Variants in NBPF12 observed in about 807,000 individuals in gnomAD.
NBPF12 encodes NBPF member 12.
Under a neutral mutation model 146.4 loss-of-function variants are expected in NBPF12, and 115 were observed. The observed-to-expected ratio is 0.79, with a 90% confidence interval of 0.68 to 0.92. The LOEUF (loss-of-function observed/expected upper bound fraction) is 0.92, where lower values mean the gene tolerates loss of function less well. Ranked by LOEUF, NBPF12 falls within the 40% of genes least tolerant of loss-of-function variation. NBPF12 has a pLI of 0.00. For synonymous variants in NBPF12, 385 were observed against 508.9 expected, an observed-to-expected ratio of 0.76 and a Z score of 3.28; for missense variants, 1,205 against 1,326.8, an observed-to-expected ratio of 0.91 and a Z score of 1.43.
rs1276091777 is a variant in NBPF12 at position 146,973,748 on chromosome 1, G to A, written c.1801+788G>A. Among the ~76,000 whole-genome samples the A allele has an allele frequency of 5.0e-3, 723 of 144,118 alleles. 25 individuals carry two copies. The highest frequency in any genetic ancestry group is 0.017 in the African/African-American group (636 of 36,794). The allele number at this position is 144,118 out of a possible 152,430, so 94.5% of individuals were successfully genotyped here. A position where few individuals can be genotyped will look rare whatever the true frequency, so the allele number is the denominator to read the frequency against. Reference sequence around the variant, plus strand: ...GGTTGCAGTGAGCCAAGATTTTGCCGTTGCACTCCAGCCTGGGTGACAGGG... The same window carrying A: ...GGTTGCAGTGAGCCAAGATTTTGCCATTGCACTCCAGCCTGGGTGACAGGG... On this transcript the variant is annotated intron_variant, in intron 14 of 33. Transcript: ENST00000617844.
At chr1:146,965,917 G>A (rs1342505865) in intron 8 of NBPF12, among the ~76,000 whole-genome samples, 1 of 148,830 alleles carries the variant, frequency 6.7e-6, no homozygotes, top group South Asian at 2.1e-4. Flanking sequence ...AAACCAGCCT[G>A]TCCAAGATGG....
intron 33 of NBPF12, among the ~76,000 whole-genome samples, chr1:146,994,122 G>T (rs1385779752): frequency 8.4e-6 from 1 of 118,350 alleles, no homozygotes; most frequent in Admixed American, 8.7e-5. Flanking sequence ...CTCTGTCTCT[G>T]TCTCTGTCTC....
At chr1:146,972,648 A>C (rs1231665249) in intron 13 of NBPF12, 103 bp from the exon 17 acceptor site, 89 of 1,029,752 alleles carry the variant, frequency 8.6e-5, no homozygotes, top group Non-Finnish European at 1.3e-4. Context: ...CAACATCTTC[A>C]AATAAGTAGA....
intron 1 of NBPF12, 88 bp downstream of exon 1, chr1:146,939,100 C>A (rs1221069278): frequency 7.2e-5 from 11 of 152,220 alleles, no homozygotes. Flanking sequence ...GGGGCGGTTG[C>A]GCCGGGCACT....
chr1:146,960,990 AC>A (rs1655811744), intron 4 of NBPF12, among the ~76,000 whole-genome samples: 3 of 152,046 alleles, frequency 2.0e-5, no homozygotes. Context: ...CACTAAAAAT[AC>A]AAAAAGTAGA....
At chr1:146,962,091 C>A (rs1655886243) in intron 4 of NBPF12, 70 bp from the exon 8 acceptor site, 2 of 1,460,546 alleles carry the variant, frequency 1.4e-6, no homozygotes, top group African/African-American at 1.4e-5. Context: ...CTGGCTCCTG[C>A]CCTGTAGGCA....
chr1:146,974,836 G>A lies in NBPF12; in HGVS notation c.1899G>A (p.Glu633=). The A allele has an allele frequency of 3.9e-6, 5 of 1,284,184 alleles. 1 individual carries two copies. The highest frequency in any genetic ancestry group is 5.3e-6 in the Non-Finnish European group (5 of 944,338). The allele number at this position is 1,284,184 out of a possible 1,614,324, so 79.5% of individuals were successfully genotyped here. ...CAGAGCAGCTGAAGCAAGCTGAGGAGCTCAGGTGAGGGGACCCCATGGGGG... is the reference window on the plus strand; with the variant it reads ...CAGAGCAGCTGAAGCAAGCTGAGGAACTCAGGTGAGGGGACCCCATGGGGG... The change falls in exon 15 of 34, where the codon GAG becomes GAA. Residue 633 remains glutamate (E), a synonymous_variant. Coordinates refer to ENST00000617844, the Ensembl canonical transcript of NBPF12.
intron 2 of NBPF12, among the ~76,000 whole-genome samples, chr1:146,955,657 A>G (rs1333470024): frequency 1.4e-4 from 20 of 147,932 alleles, no homozygotes; most frequent in Admixed American, 1.3e-3. Flanking sequence ...ACTTCTTTTA[A>G]TCTATAACTA....
At position 146,957,969 on chromosome 1, in the gene NBPF12, A is replaced by G. The variant is rs1655675394; in HGVS notation, c.-183-1890A>G. Among the ~76,000 whole-genome samples, 3 of 108,294 alleles carry G rather than the reference A, an allele frequency of 2.8e-5. 1 individual carries two copies. The South Asian group carries it at 1.4e-3, about 49-fold the overall frequency. 71.0% of individuals were successfully genotyped at this position (108,294 alleles called of 152,430 possible). A position where few individuals can be genotyped will look rare whatever the true frequency, so the allele number is the denominator to read the frequency against. On this transcript the variant is annotated intron_variant, in intron 2 of 33. Coordinates refer to ENST00000617844, the Ensembl canonical transcript of NBPF12. Reference sequence around the variant, plus strand: ...ATATATATTTTATATATACGTGTATACATGTATATATGTGTGTGTATATAT... The same window carrying G: ...ATATATATTTTATATATACGTGTATGCATGTATATATGTGTGTGTATATAT...
upstream of NBPF12, among the ~76,000 whole-genome samples, chr1:146,945,523 C>T (rs1397727161): frequency 6.6e-6 from 1 of 151,916 alleles, no homozygotes; most frequent in East Asian, 1.9e-4. Flanking sequence ...TCTCCAACTG[C>T]TCTGACTCCA....
intron 2 of NBPF12, among the ~76,000 whole-genome samples, chr1:146,956,036 C>T (rs1655571881): frequency 6.6e-6 from 1 of 150,976 alleles, no homozygotes; most frequent in Admixed American, 6.6e-5. Context: ...GCTACTGAAA[C>T]AGTTGTTAGG....
In NBPF12 at chr1:146,961,864, G is replaced by A. The variant is rs1184173599; in HGVS notation, c.176-297G>A. 9.2e-5 allele frequency among the ~76,000 whole-genome samples: 14 copies of A among 152,168 alleles called. No homozygotes were observed. The East Asian group carries it at 1.7e-3, about 19-fold the overall frequency. Reference sequence around the variant, plus strand: ...CTGCAAGGCTTGGGAAAGTGGCCCCGCATTCAGAGTCAGACCTCAGGGGCT... The same window carrying A: ...CTGCAAGGCTTGGGAAAGTGGCCCCACATTCAGAGTCAGACCTCAGGGGCT... On this transcript the variant is annotated intron_variant, in intron 4 of 33. Coordinates refer to ENST00000617844, the Ensembl canonical transcript of NBPF12.
At chr1:146,972,252 G>T (rs1356147436) in intron 13 of NBPF12, among the ~76,000 whole-genome samples, 4 of 150,886 alleles carry the variant, frequency 2.7e-5, no homozygotes, top group African/African-American at 9.9e-5. Context: ...AAAATTAGCT[G>T]TCATGTTACT....
intron 2 of NBPF12, among the ~76,000 whole-genome samples, chr1:146,954,458 C>CA (rs1655473167): frequency 1.1e-5 from 1 of 89,932 alleles, no homozygotes; most frequent in African/African-American, 3.9e-5. Flanking sequence ...CCAAAAACTA[C>CA]AAAAAATTGC....
intron 1 of NBPF12, among the ~76,000 whole-genome samples, chr1:146,939,487 G>C (rs1244919545): frequency 1.3e-5 from 2 of 151,954 alleles, no homozygotes; most frequent in Non-Finnish European, 2.9e-5. Context: ...CGTTTGTAGC[G>C]ATCACTGAAT....
chr1:146,964,433 A>T lies in NBPF12; in HGVS notation c.566+4A>T, dbSNP rs1553885248. The T allele has an allele frequency of 3.1e-6, 5 of 1,599,726 alleles. No individual in the cohort carries two copies. The Admixed American group carries it at 6.7e-5, about 21-fold the overall frequency. On this transcript the variant is annotated splice_donor_region_variant and intron_variant, in intron 7 of 33. Coordinates refer to ENST00000617844, the Ensembl canonical transcript of NBPF12. ...TACTGGAATCATCTGCCCCCAGGTA[A>T]CACTGAATACTCAGGAGCAAGTAAT...
At chr1:146,966,966 C>A (rs1274461586) in intron 9 of NBPF12, among the ~76,000 whole-genome samples, 1 of 150,774 alleles carries the variant, frequency 6.6e-6, no homozygotes, top group Non-Finnish European at 1.5e-5. Context: ...ATCGTGTTTT[C>A]AAGAATCCTC....
At chr1:146,960,794 G>A (rs1655798872) in intron 4 of NBPF12, among the ~76,000 whole-genome samples, 2 of 151,968 alleles carry the variant, frequency 1.3e-5, no homozygotes, top group South Asian at 4.2e-4. Context: ...GCTCTGAGGG[G>A]CTTCAAGAGG....
At chr1:146,958,280 T>G (rs1370473043) in intron 2 of NBPF12, among the ~76,000 whole-genome samples, 17,984 of 126,782 alleles carry the variant, frequency 0.14, 3,741 homozygotes, top group East Asian at 0.35. Context: ...ACCAATGCCC[T>G]TCATTGGGGA....
Sources: allele counts gnomAD v4.1 joint callset (sites outside exome capture counted in the v4.1 genomes callset), GRCh38; gene constraint gnomAD v4.1.1; transcripts MANE v1.5; gene names NCBI Gene and HGNC (gene_info 2026-07-23, HGNC 2026-07-21).